The following MAPK6 variants were observed in gnomAD, a reference collection of about 807,000 sequenced individuals.
The protein encoded by MAPK6 is mitogen-activated protein kinase 6.
MAPK6 carries 19 observed loss-of-function variants against 59.3 expected under a neutral mutation model. The observed-to-expected ratio is 0.32, with a 90% confidence interval of 0.22 to 0.47. MAPK6 has a LOEUF of 0.47. MAPK6 is among the 20% of genes least tolerant of loss of function. The probability of loss-of-function intolerance (pLI) is 1.00; values close to 1 mark genes in which losing one functional copy is unlikely to be tolerated. For synonymous variants in MAPK6, 316 were observed against 290.3 expected (o/e 1.09, Z -0.90); for missense variants, 724 against 847.9 (o/e 0.85, Z 1.81).
chr15:52,058,879 C>G (rs2032089277), intron 4 of MAPK6, 82 bp downstream of exon 4: 1 of 1,207,854 alleles, frequency 8.3e-7, no homozygotes, highest in Non-Finnish European at 1.1e-6. Context: ...GCTTTTTATC[C>G]TTAGATATGG....
At chr15:51,972,866 A>G (rs952170343) in intron 1 of MAPK6, among the ~76,000 whole-genome samples, 2 of 151,620 alleles carry the variant, frequency 1.3e-5, no homozygotes, top group African/African-American at 4.8e-5. Flanking sequence ...AACATTAGCC[A>G]GGCATGATGG....
At chr15:52,033,648 C>A (rs143078195) in intron 1 of MAPK6, 1 of 152,212 alleles carries the variant, frequency 6.6e-6, no homozygotes, top group Non-Finnish European at 1.5e-5. Context: ...AGCTTGCAGA[C>A]GGCTTGACGT....
chr15:52,045,439 A>C (rs2031566585), intron 1 of MAPK6, among the ~76,000 whole-genome samples: 1 of 152,232 alleles, frequency 6.6e-6, no homozygotes, highest in Non-Finnish European at 1.5e-5. Flanking sequence ...ATGCTTTTTA[A>C]CAAACTAACA....
intron 1 of MAPK6, among the ~76,000 whole-genome samples, chr15:52,033,282 G>T (rs2031109601): frequency 6.6e-6 from 1 of 152,168 alleles, no homozygotes; most frequent in Admixed American, 6.5e-5. Context: ...TGCCAGAGGA[G>T]ACTGACCTTT....
intron 1 of MAPK6, chr15:52,027,951 T>G (rs2030874535): frequency 7.4e-6 from 1 of 134,444 alleles, no homozygotes; most frequent in East Asian, 2.2e-4. Context: ...TTTTGTATTT[T>G]TTTTTTTTTT....
chr15:52,032,840 A>G (rs1278767530), intron 1 of MAPK6, among the ~76,000 whole-genome samples: 1 of 152,106 alleles, frequency 6.6e-6, no homozygotes, highest in Non-Finnish European at 1.5e-5. Context: ...ATGCGCCACC[A>G]CACCCAGCTA....
chr15:52,061,229 G>A, intron 4 of MAPK6, 70 bp from the exon 5 acceptor site: 1 of 1,143,566 alleles, frequency 8.7e-7, no homozygotes, highest in Non-Finnish European at 1.3e-6. Context: ...AAATAAATGA[G>A]ATCAACATTT....
chr15:52,063,399 CTCTTT>C (rs2032281640), intron 5 of MAPK6, among the ~76,000 whole-genome samples: 1 of 152,192 alleles, frequency 6.6e-6, no homozygotes, highest in Admixed American at 6.6e-5. Context: ...GTTATCTAAT[CTCTTT>C]TCTTTTCCCT....
rs370391458 is a variant in MAPK6 at position 52,059,063 on chromosome 15, A to G, written c.865+266A>G. ...TATAGGCACTGGGGACAAAATCATG[A>G]TGGCATTTTTTCCCTCAGATATACT... On this transcript the variant is annotated intron_variant, in intron 4 of 5. Transcript: ENST00000261845. 1.6e-4 allele frequency among the ~76,000 whole-genome samples: 25 copies of G among 152,326 alleles called. No individual in the cohort carries two copies. The East Asian group carries it at 4.0e-3, about 25-fold the overall frequency.
At chr15:52,050,732 A>G (rs2031751502) in intron 3 of MAPK6, among the ~76,000 whole-genome samples, 1 of 152,248 alleles carries the variant, frequency 6.6e-6, no homozygotes, top group African/African-American at 2.4e-5. Context: ...GGAGTCAAAC[A>G]GATTTTTCAC....
At chr15:52,016,072 A>ACACACACACACACACACG (rs2030251836), upstream of MAPK6, among the ~76,000 whole-genome samples, 1 of 62,046 alleles carries the variant, frequency 1.6e-5, no homozygotes, top group Non-Finnish European at 3.4e-5. Context: ...GCGCGCGCGC[A>ACACACACACACACACACG]CACACACACA....
intron 1 of MAPK6, among the ~76,000 whole-genome samples, chr15:52,023,865 G>A (rs1245841658): frequency 6.6e-6 from 1 of 152,186 alleles, no homozygotes; most frequent in Non-Finnish European, 1.5e-5. Flanking sequence ...GCCTGCCTGG[G>A]CCTCCCAAAG....
upstream of MAPK6, among the ~76,000 whole-genome samples, chr15:52,016,070 G>GCGCGCGCACACACACACACA: frequency 1.3e-3 from 71 of 55,440 alleles, 2 homozygotes; most frequent in Non-Finnish European, 1.9e-3. Flanking sequence ...GCGCGCGCGC[G>GCGCGCGCACACACACACACA]CACACACACA....
At chr15:52,060,353 C>G (rs924661548) in intron 4 of MAPK6, among the ~76,000 whole-genome samples, 2 of 152,218 alleles carry the variant, frequency 1.3e-5, no homozygotes, top group Non-Finnish European at 1.5e-5. Context: ...GTGTGAGTGA[C>G]CATAGTGAAG....
At chr15:52,013,299 CATG>C (rs1213862711) in intron 3 of MAPK6, among the ~76,000 whole-genome samples, 1 of 151,782 alleles carries the variant, frequency 6.6e-6, no homozygotes, top group Non-Finnish European at 1.5e-5. Context: ...GAAGAGAAGT[CATG>C]ATGACCTCTT....
At chr15:52,018,352 C>A (rs1181479288), upstream of MAPK6, among the ~76,000 whole-genome samples, 1 of 152,136 alleles carries the variant, frequency 6.6e-6, no homozygotes, top group Admixed American at 6.6e-5. Flanking sequence ...TTGAAGTGGT[C>A]TTTGCCTCTT....
chr15:52,030,401 T>G (rs1595984098), intron 1 of MAPK6, among the ~76,000 whole-genome samples: 1 of 152,132 alleles, frequency 6.6e-6, no homozygotes, highest in Non-Finnish European at 1.5e-5. Flanking sequence ...GTATAAAATG[T>G]TTGATTCCTT....
intron 3 of MAPK6, among the ~76,000 whole-genome samples, chr15:52,012,459 C>T (rs868790009): frequency 7.9e-5 from 12 of 152,320 alleles, no homozygotes; most frequent in African/African-American, 2.6e-4. Context: ...GCTCACACTG[C>T]ATTTTACCCT....
intron 4 of MAPK6, among the ~76,000 whole-genome samples, chr15:52,060,025 T>G (rs946128695): frequency 6.6e-6 from 1 of 152,184 alleles, no homozygotes; most frequent in Non-Finnish European, 1.5e-5. Flanking sequence ...AGCCCTACTC[T>G]GGTTAATTTC....
Sources: allele counts gnomAD v4.1 joint callset (sites outside exome capture counted in the v4.1 genomes callset), GRCh38; gene constraint gnomAD v4.1.1; transcripts MANE v1.5; gene names NCBI Gene and HGNC (gene_info 2026-07-23, HGNC 2026-07-21).